Variants in SCOC observed in about 807,000 individuals in gnomAD.
SCOC encodes short coiled coil protein.
A neutral mutation model predicts 9.9 loss-of-function variants in SCOC; 7 were observed. The ratio of observed to expected loss-of-function variants is 0.71; its 90% confidence interval spans 0.40 to 1.33. SCOC has a LOEUF of 1.33. Ranked by LOEUF, SCOC falls within the 40% of genes most tolerant of loss-of-function variation. SCOC has a pLI of 0.01. For missense variants in SCOC, 66 were observed against 89.7 expected (o/e 0.74, Z 1.07); for synonymous variants, 19 against 28.2 (o/e 0.67, Z 1.03).
intron 1 of SCOC, among the ~76,000 whole-genome samples, chr4:140,264,996 T>C (rs1248743315): frequency 6.6e-6 from 1 of 152,220 alleles, no homozygotes. Flanking sequence ...TTGTGACTTC[T>C]AGCGTAGCTA....
At chr4:140,303,436 G>A (rs1731871035) in intron 1 of SCOC, among the ~76,000 whole-genome samples, 1 of 152,188 alleles carries the variant, frequency 6.6e-6, no homozygotes, top group African/African-American at 2.4e-5. Flanking sequence ...TGCCAACCTT[G>A]CTTGGTTATT....
chr4:140,311,455 G>T (rs1732153750), intron 1 of SCOC, among the ~76,000 whole-genome samples: 1 of 152,096 alleles, frequency 6.6e-6, no homozygotes, highest in Admixed American at 6.5e-5. Flanking sequence ...CATCTACAAT[G>T]AATGAGTTTA....
chr4:140,339,813 G>C (rs1161081263), upstream of SCOC, among the ~76,000 whole-genome samples: 2 of 152,230 alleles, frequency 1.3e-5, no homozygotes, highest in African/African-American at 4.8e-5. Context: ...AGGTGCTGGA[G>C]AGGATGTGGA....
At chr4:140,344,515 C>T (rs765904864) in intron 2 of SCOC, among the ~76,000 whole-genome samples, 3 of 152,168 alleles carry the variant, frequency 2.0e-5, no homozygotes, top group Non-Finnish European at 2.9e-5. Flanking sequence ...TCCCTAAATG[C>T]TTAGATTCAA....
In SCOC at chr4:140,323,219, T is replaced by C. The variant is rs1174327036; in HGVS notation, c.-18-20402T>C. Among the ~76,000 whole-genome samples, 3 of 152,216 alleles carry C rather than the reference T, an allele frequency of 2.0e-5. No homozygotes were observed. In the East Asian group the frequency reaches 5.8e-4, roughly 30 times the overall value. On this transcript the variant is annotated intron_variant, in intron 1 of 4. Transcript: ENST00000394205. ...TGAGTTCACATGAGATCTTGTTGTT[T>C]AGAAAGGAGCCTGGCATTTCCTCCT...
intron 1 of SCOC, among the ~76,000 whole-genome samples, chr4:140,315,855 T>C (rs1269827278): frequency 6.6e-6 from 1 of 152,146 alleles, no homozygotes; most frequent in Non-Finnish European, 1.5e-5. Flanking sequence ...AGAGAAGATG[T>C]GCTATCATAT....
upstream of SCOC, among the ~76,000 whole-genome samples, chr4:140,369,837 T>A (rs1727966867): frequency 6.6e-6 from 1 of 151,250 alleles, no homozygotes; most frequent in Non-Finnish European, 1.5e-5. Context: ...ACTTATAGCC[T>A]TTCCTTATTC....
At chr4:140,280,032 GCA>G (rs926910150) in intron 1 of SCOC, among the ~76,000 whole-genome samples, 2 of 152,200 alleles carry the variant, frequency 1.3e-5, no homozygotes, top group African/African-American at 4.8e-5. Context: ...ACTGGAAGTT[GCA>G]CATACTACTT....
chr4:140,274,198 T>A (rs905194111), intron 1 of SCOC, among the ~76,000 whole-genome samples: 2 of 152,204 alleles, frequency 1.3e-5, no homozygotes, highest in African/African-American at 4.8e-5. Context: ...GCATGAGTAA[T>A]TACAAGCAGG....
chr4:140,362,273 C>CTGTTCTTCTTCTTCTTCCTT, intron 2 of SCOC, among the ~76,000 whole-genome samples: 1 of 29,076 alleles, frequency 3.4e-5, no homozygotes, highest in Non-Finnish European at 7.6e-5. Flanking sequence ...ACAGGTGTGT[C>CTGTTCTTCTTCTTCTTCCTT]CTTACTTCTT....
At chr4:140,270,379 G>T (rs1730816577) in intron 1 of SCOC, among the ~76,000 whole-genome samples, 1 of 151,944 alleles carries the variant, frequency 6.6e-6, no homozygotes, top group African/African-American at 2.4e-5. Context: ...TATCACCCAG[G>T]CTAGAATGCA....
intron 1 of SCOC, among the ~76,000 whole-genome samples, chr4:140,304,713 G>A (rs1578790911): frequency 6.6e-6 from 1 of 152,190 alleles, no homozygotes; most frequent in South Asian, 2.1e-4. Flanking sequence ...CAGGAAGGCT[G>A]GTCTTTGGGA....
At chr4:140,366,378 G>A (rs1331183756) in intron 2 of SCOC, 4 of 1,276,316 alleles carry the variant, frequency 3.1e-6, no homozygotes, top group Non-Finnish European at 4.4e-6. Context: ...GCCTGCAGCG[G>A]TCATCTTTTT....
At chr4:140,273,946 A>T (rs1730919705) in intron 1 of SCOC, among the ~76,000 whole-genome samples, 1 of 152,224 alleles carries the variant, frequency 6.6e-6, no homozygotes, top group South Asian at 2.1e-4. Flanking sequence ...TGATTGGATG[A>T]TTACCTATTT....
At chr4:140,373,760 C>G (rs1371231212) in intron 1 of SCOC, 43 bp downstream of exon 1, 1 of 1,524,108 alleles carries the variant, frequency 6.6e-7, no homozygotes, top group Non-Finnish European at 8.8e-7. Context: ...CCCCAGGCGA[C>G]TAGAGCTGCA....
upstream of SCOC, among the ~76,000 whole-genome samples, chr4:140,371,607 C>T (rs1415530051): frequency 6.6e-6 from 1 of 152,214 alleles, no homozygotes; most frequent in Non-Finnish European, 1.5e-5. Context: ...AACAGTTATT[C>T]CTCACCAGAC....
intron 1 of SCOC, among the ~76,000 whole-genome samples, chr4:140,297,804 CATTGTTCCTGAA>C (rs1176537885): frequency 6.6e-6 from 1 of 152,146 alleles, no homozygotes; most frequent in East Asian, 1.9e-4. Flanking sequence ...GGAGGCTCTC[CATTGTTCCTGAA>C]ATTACAAGAC....
At chr4:140,317,028 CGTT>C (rs1732340816) in intron 1 of SCOC, among the ~76,000 whole-genome samples, 1 of 152,112 alleles carries the variant, frequency 6.6e-6, no homozygotes, top group African/African-American at 2.4e-5. Flanking sequence ...TATGGAGACT[CGTT>C]GTTTTCGTCT....
intron 1 of SCOC, among the ~76,000 whole-genome samples, chr4:140,322,416 G>A (rs1223042498): frequency 6.6e-6 from 1 of 152,160 alleles, no homozygotes; most frequent in Non-Finnish European, 1.5e-5. Flanking sequence ...ACGGAATGCT[G>A]GTAGAAGTAT....
Sources: gnomAD v4.1 joint callset for allele counts (sites outside exome capture counted in the v4.1 genomes callset) on GRCh38, gnomAD v4.1.1 for gene constraint, MANE v1.5 for transcripts, NCBI Gene and HGNC (gene_info 2026-07-23, HGNC 2026-07-21) for gene names.